TDRD9: variants seen among roughly 807,000 people sequenced by gnomAD.
TDRD9 encodes the protein tudor domain containing 9.
TDRD9 carries 124 observed loss-of-function variants against 172.6 expected under a neutral mutation model. That is an observed-to-expected ratio of 0.72 (90% CI 0.62 to 0.83). TDRD9 has a LOEUF of 0.83. Among genes scored for constraint, TDRD9 ranks in the 40% least tolerant of loss-of-function variants. The pLI, the probability that TDRD9 is intolerant of heterozygous loss-of-function variation, is 0.00. For synonymous variants in TDRD9, 619 were observed against 617.1 expected (o/e 1.00, Z -0.05); for missense variants, 1,479 against 1,714.1 (o/e 0.86, Z 2.42).
intron 1 of TDRD9, among the ~76,000 whole-genome samples, chr14:103,940,177 C>T (rs527291843): frequency 6.6e-6 from 1 of 152,112 alleles, no homozygotes; most frequent in Non-Finnish European, 1.5e-5. Flanking sequence ...TTGAGAGTAG[C>T]AGCTACTCAT....
chr14:103,977,946 C>T (rs1355936082), intron 7 of TDRD9, among the ~76,000 whole-genome samples: 2 of 152,122 alleles, frequency 1.3e-5, no homozygotes, highest in Non-Finnish European at 2.9e-5. Context: ...AGTGAATGTT[C>T]TTGATGCCTT....
intron 32 of TDRD9, among the ~76,000 whole-genome samples, chr14:104,039,638 C>T (rs376166233): frequency 5.9e-5 from 9 of 152,274 alleles, no homozygotes; most frequent in Middle Eastern, 3.4e-3. Context: ...GGCTGTTGGC[C>T]GCAGCCATGG....
At chr14:103,952,686 A>G (rs1055895501) in intron 1 of TDRD9, among the ~76,000 whole-genome samples, 2 of 131,458 alleles carry the variant, frequency 1.5e-5, no homozygotes, top group African/African-American at 5.7e-5. Context: ...TCACATTTCT[A>G]TGCGTTTCAT....
intron 7 of TDRD9, among the ~76,000 whole-genome samples, chr14:103,984,526 C>T (rs2033594209): frequency 6.6e-6 from 1 of 152,194 alleles, no homozygotes; most frequent in Non-Finnish European, 1.5e-5. Context: ...TGTTGTTAAG[C>T]CTGTGGGTGC....
chr14:103,969,887 T>C (rs2032943561), intron 5 of TDRD9, among the ~76,000 whole-genome samples: 1 of 152,102 alleles, frequency 6.6e-6, no homozygotes, highest in African/African-American at 2.4e-5. Context: ...TGAGGAGGGC[T>C]GCAAGGTCTG....
chr14:104,051,116 C>T (rs922449836), intron 35 of TDRD9, among the ~76,000 whole-genome samples: 2 of 152,114 alleles, frequency 1.3e-5, no homozygotes, highest in Admixed American at 1.3e-4. Context: ...ATCCTTGCCT[C>T]CCTCCCCCAT....
intron 1 of TDRD9, among the ~76,000 whole-genome samples, chr14:103,931,831 G>C (rs1228837493): frequency 6.6e-6 from 1 of 152,190 alleles, no homozygotes; most frequent in Non-Finnish European, 1.5e-5. Flanking sequence ...ACTTTCTCAG[G>C]CTGGAGTCAG....
intron 32 of TDRD9, among the ~76,000 whole-genome samples, chr14:104,037,359 C>T (rs756360738): frequency 9.9e-5 from 15 of 152,184 alleles, no homozygotes; most frequent in Non-Finnish European, 1.8e-4. Context: ...GTTCGGGTGG[C>T]GTCTGGCTGC....
At position 103,928,590 on chromosome 14, in the gene TDRD9, C is replaced by T. The variant is rs748521741; in HGVS notation, c.81C>T (p.Gly27=). 1.5e-6 allele frequency: 2 copies of T among 1,354,156 alleles called. No individual in the cohort carries two copies. The highest frequency in any genetic ancestry group is 3.3e-5 in the East Asian group (1 of 30,340). 83.9% of individuals were successfully genotyped at this position (1,354,156 alleles called of 1,614,324 possible). A position where few individuals can be genotyped will look rare whatever the true frequency, so the allele number is the denominator to read the frequency against. ...CGGTGACCAATGTGGAGCTGCTGGG[C>T]GCGCCGCCCGCCTTCCCGGCAGGGG... ...GKTVTNVELL[G]APPAFPAGAA... Residue 27 remains glycine (G), a synonymous_variant, in exon 1 of 36, where the codon GGC becomes GGT. Coordinates refer to ENST00000409874, the MANE Select transcript of TDRD9 (RefSeq NM_153046.3).
At chr14:103,938,601 G>A (rs1173184604) in intron 1 of TDRD9, among the ~76,000 whole-genome samples, 1 of 151,228 alleles carries the variant, frequency 6.6e-6, no homozygotes, top group Non-Finnish European at 1.5e-5. Flanking sequence ...ACCATGCCCA[G>A]CTAATTTTTA....
At chr14:104,024,548 A>G in intron 24 of TDRD9, 21 bp from the exon 25 acceptor site, 1 of 1,432,388 alleles carries the variant, frequency 7.0e-7, no homozygotes, top group Non-Finnish European at 9.6e-7. Context: ...TTTTATTTTA[A>G]TAAAAATTCG....
intron 1 of TDRD9, among the ~76,000 whole-genome samples, chr14:103,953,638 G>A (rs2032055261): frequency 6.6e-6 from 1 of 152,094 alleles, no homozygotes; most frequent in Non-Finnish European, 1.5e-5. Context: ...TGAAGGCCTG[G>A]GAACCAGGGT....
intron 4 of TDRD9, 124 bp from the exon 5 acceptor site, chr14:103,966,585 G>T: frequency 1.0e-6 from 1 of 963,304 alleles, no homozygotes; most frequent in Non-Finnish European, 1.4e-6. Flanking sequence ...TTTTAATTTG[G>T]AGCCTGTGTA....
intron 1 of TDRD9, chr14:103,928,926 T>TG: frequency 1.1e-5 from 1 of 91,994 alleles, no homozygotes; most frequent in East Asian, 2.4e-4. Flanking sequence ...AGCTAGAGGT[T>TG]TTTTTTTTTT....
At chr14:103,979,465 C>G (rs1445287722) in intron 7 of TDRD9, among the ~76,000 whole-genome samples, 2 of 152,176 alleles carry the variant, frequency 1.3e-5, no homozygotes, top group Non-Finnish European at 2.9e-5. Context: ...GTGCAGAGAT[C>G]ACATGGTGAG....
At chr14:103,999,832 A>T (rs1033386674) in intron 13 of TDRD9, among the ~76,000 whole-genome samples, 1 of 152,098 alleles carries the variant, frequency 6.6e-6, no homozygotes, top group African/African-American at 2.4e-5. Flanking sequence ...GTTAATTAAG[A>T]TTTCCCATTT....
chr14:104,034,180 A>AT (rs2035373119), intron 31 of TDRD9, 111 bp downstream of exon 31: 32 of 345,148 alleles, frequency 9.3e-5, no homozygotes, highest in South Asian at 3.9e-4. Context: ...ACTATGTACT[A>AT]TTCTTTTTTT....
intron 34 of TDRD9, among the ~76,000 whole-genome samples, chr14:104,047,997 C>T (rs1438006304): frequency 6.6e-6 from 1 of 152,150 alleles, no homozygotes; most frequent in Non-Finnish European, 1.5e-5. Flanking sequence ...ACACACTCAG[C>T]CTCTACTGGC....
intron 2 of TDRD9, among the ~76,000 whole-genome samples, chr14:103,959,094 G>T (rs866317298): frequency 6.6e-6 from 1 of 152,166 alleles, no homozygotes; most frequent in African/African-American, 2.4e-5. Context: ...GGGCCAGAGT[G>T]GACCTGAGGA....
Sources: allele counts gnomAD v4.1 joint callset (sites outside exome capture counted in the v4.1 genomes callset), GRCh38; gene constraint gnomAD v4.1.1; transcripts MANE v1.5; gene names NCBI Gene and HGNC (gene_info 2026-07-23, HGNC 2026-07-21).